The following GRIP1 variants were observed in gnomAD, a reference collection of about 807,000 sequenced individuals.
GRIP1 encodes the protein glutamate receptor-interacting protein 1.
In GRIP1, 45 loss-of-function variants were observed where a neutral mutation model predicts 129.9. The ratio of observed to expected loss-of-function variants is 0.35; its 90% CI spans 0.27 to 0.44. GRIP1 has a LOEUF of 0.44. Among genes scored for constraint, GRIP1 ranks in the 20% least tolerant of loss-of-function variants. The pLI is 1.00. For missense variants in GRIP1, 1,196 were observed against 1,396.8 expected (o/e 0.86, Z 2.29); for synonymous variants, 530 against 520.8 (o/e 1.02, Z -0.24).
intron 1 of GRIP1, among the ~76,000 whole-genome samples, chr12:66,985,922 TTAG>T (rs1305061042): frequency 2.6e-5 from 4 of 152,228 alleles, no homozygotes; most frequent in Non-Finnish European, 5.9e-5. Context: ...TTAAAAGTAC[TTAG>T]TAGTTTTGTG....
intron 1 of GRIP1, among the ~76,000 whole-genome samples, chr12:66,826,574 A>C (rs776704490): frequency 2.0e-5 from 3 of 152,106 alleles, no homozygotes; most frequent in African/African-American, 7.3e-5. Context: ...ATGGTAATTG[A>C]ATCTAAGTTC....
chr12:66,696,182 T>C (rs540935075), intron 1 of GRIP1, among the ~76,000 whole-genome samples: 1 of 152,254 alleles, frequency 6.6e-6, no homozygotes, highest in African/African-American at 2.4e-5. Flanking sequence ...TGTGCCACTC[T>C]TTAGGGTACT....
At chr12:66,966,984 C>T (rs899716171) in intron 1 of GRIP1, among the ~76,000 whole-genome samples, 3 of 152,148 alleles carry the variant, frequency 2.0e-5, no homozygotes, top group Non-Finnish European at 2.9e-5. Context: ...GTAGGAGATA[C>T]TGCTTCTTCT....
chr12:66,361,445 G>T (rs959964419), intron 23 of GRIP1, among the ~76,000 whole-genome samples: 4 of 152,214 alleles, frequency 2.6e-5, no homozygotes, highest in Admixed American at 6.5e-5. Context: ...CAGTTTTTAA[G>T]ATCTGTGGCA....
chr12:66,873,779 C>A (rs1490270545), intron 1 of GRIP1, among the ~76,000 whole-genome samples: 1 of 151,932 alleles, frequency 6.6e-6, no homozygotes, highest in African/African-American at 2.4e-5. Flanking sequence ...ATATAAAATC[C>A]TTTTGATAAA....
rs537051414 is a variant in GRIP1 at position 66,815,677 on chromosome 12, T to C, written c.59-218750A>G. ...TACTTGGGAGGCTAAAGTGGGAGGATTGCTTCAGCTCGGGAAGTAGAGGCT... is the reference window on the plus strand; with the variant it reads ...TACTTGGGAGGCTAAAGTGGGAGGACTGCTTCAGCTCGGGAAGTAGAGGCT... On this transcript the variant is annotated intron_variant, in intron 1 of 1. Transcript: ENST00000643019. 6.8e-4 allele frequency among the ~76,000 whole-genome samples: 103 copies of C among 152,084 alleles called. 1 individual carries two copies. The highest frequency in any genetic ancestry group is 2.4e-3 in the African/African-American group (100 of 41,484).
At chr12:66,401,641 C>T (rs1157383282) in intron 16 of GRIP1, among the ~76,000 whole-genome samples, 20 of 141,006 alleles carry the variant, frequency 1.4e-4, no homozygotes, top group Non-Finnish European at 2.7e-4. Flanking sequence ...CACACACACA[C>T]ACACACACAC....
chr12:66,716,573 T>C (rs192049480), intron 1 of GRIP1, among the ~76,000 whole-genome samples: 2 of 152,102 alleles, frequency 1.3e-5, no homozygotes, highest in East Asian at 3.9e-4. Context: ...AGGGTACATG[T>C]GCACACATGC....
chr12:66,547,571 C>T (rs1376992135), intron 2 of GRIP1, among the ~76,000 whole-genome samples: 1 of 152,146 alleles, frequency 6.6e-6, no homozygotes, highest in East Asian at 1.9e-4. Context: ...TTTGTCTATA[C>T]CACGGAATAC....
intron 7 of GRIP1, among the ~76,000 whole-genome samples, chr12:66,474,101 T>G (rs1014515295): frequency 1.2e-4 from 18 of 151,924 alleles, no homozygotes; most frequent in Non-Finnish European, 2.4e-4. Flanking sequence ...GTTAGATGAA[T>G]TACTAACTAG....
intron 14 of GRIP1, among the ~76,000 whole-genome samples, chr12:66,429,395 G>A (rs1376499064): frequency 3.3e-5 from 5 of 152,152 alleles, no homozygotes; most frequent in Non-Finnish European, 7.3e-5. Flanking sequence ...TTGTGGGCTG[G>A]AGCTGTGCTT....
chr12:66,442,588 G>T (rs529539428), intron 13 of GRIP1, among the ~76,000 whole-genome samples: 191 of 152,278 alleles, frequency 1.3e-3, no homozygotes, highest in African/African-American at 4.1e-3. Context: ...CTGGGGTTCA[G>T]TGGTACAATC....
intron 11 of GRIP1, among the ~76,000 whole-genome samples, chr12:66,453,249 C>T (rs1332810425): frequency 6.6e-6 from 1 of 152,148 alleles, no homozygotes; most frequent in African/African-American, 2.4e-5. Context: ...ACTAATGTCC[C>T]TAATCAACAC....
chr12:66,851,804 G>A (rs904906475), intron 1 of GRIP1, among the ~76,000 whole-genome samples: 2 of 152,040 alleles, frequency 1.3e-5, no homozygotes, highest in Admixed American at 6.6e-5. Flanking sequence ...AATTTTAAAG[G>A]TGTTTCTTCT....
At chr12:66,401,372 G>A (rs1373722237) in intron 16 of GRIP1, among the ~76,000 whole-genome samples, 1 of 151,864 alleles carries the variant, frequency 6.6e-6, no homozygotes, top group Non-Finnish European at 1.5e-5. Context: ...GAGGTCAGGA[G>A]TTCGAGACTA....
chr12:66,867,439 A>C (rs2137140280), intron 1 of GRIP1, among the ~76,000 whole-genome samples: 1 of 152,280 alleles, frequency 6.6e-6, no homozygotes, highest in South Asian at 2.1e-4. Flanking sequence ...CTATAATTTA[A>C]GCTTCTAGGA....
At chr12:66,905,347 G>A (rs1417510142) in intron 1 of GRIP1, among the ~76,000 whole-genome samples, 2 of 152,088 alleles carry the variant, frequency 1.3e-5, no homozygotes, top group African/African-American at 4.8e-5. Context: ...TTTGTGAGGT[G>A]TGAGTGCCTA....
intron 1 of GRIP1, among the ~76,000 whole-genome samples, chr12:66,773,426 A>G (rs2037882217): frequency 6.6e-6 from 1 of 152,206 alleles, no homozygotes; most frequent in African/African-American, 2.4e-5. Context: ...GTGAAGCTGG[A>G]AACTATCATT....
intron 1 of GRIP1, among the ~76,000 whole-genome samples, chr12:66,614,960 T>C (rs78171906): frequency 6.6e-6 from 1 of 152,276 alleles, no homozygotes; most frequent in East Asian, 1.9e-4. Context: ...TTAACCTTGA[T>C]CATCCTTTTC....
Sources: gnomAD v4.1 joint callset for allele counts (sites outside exome capture counted in the v4.1 genomes callset) on GRCh38, gnomAD v4.1.1 for gene constraint, MANE v1.5 for transcripts, NCBI Gene and HGNC (gene_info 2026-07-23, HGNC 2026-07-21) for gene names.